The following RALYL variants were observed in gnomAD, a reference collection of about 807,000 sequenced individuals.
RALYL encodes the protein RALY RNA binding protein like, also known as RNA-binding Raly-like protein.
Under a neutral mutation model 35.1 loss-of-function variants are expected in RALYL, and 29 were observed. The observed-to-expected ratio is 0.83, with a 90% CI of 0.61 to 1.13. The LOEUF is 1.13. Among genes scored for constraint, RALYL ranks in the 50% most tolerant of loss-of-function variants. RALYL has a pLI of 0.00. For synonymous variants in RALYL, 120 were observed against 127.6 expected, an observed-to-expected ratio of 0.94 and a Z score of 0.40; for missense variants, 359 against 360.4, an observed-to-expected ratio of 1.00 and a Z score of 0.03.
At chr8:84,909,114 T>C (rs922247762) in intron 8 of RALYL, among the ~76,000 whole-genome samples, 51 of 152,156 alleles carry the variant, frequency 3.4e-4, no homozygotes, top group African/African-American at 1.2e-3. Flanking sequence ...GTCTGTGACA[T>C]GTCTAATGAT....
At chr8:84,848,567 A>G (rs1055307433) in intron 4 of RALYL, among the ~76,000 whole-genome samples, 2 of 152,144 alleles carry the variant, frequency 1.3e-5, no homozygotes, top group African/African-American at 4.8e-5. Context: ...AGCCAAACAC[A>G]AAAGAACAAA....
intron 1 of RALYL, among the ~76,000 whole-genome samples, chr8:84,251,451 G>A (rs562069902): frequency 1.5e-3 from 224 of 151,838 alleles, no homozygotes; most frequent in Non-Finnish European, 2.2e-3. Flanking sequence ...TTTGAATTAC[G>A]GTCATTTTCT....
chr8:84,578,428 G>A (rs912225864), intron 2 of RALYL, among the ~76,000 whole-genome samples: 1 of 152,196 alleles, frequency 6.6e-6, no homozygotes, highest in African/African-American at 2.4e-5. Context: ...CCTGCAATGT[G>A]GCAAGTCAGG....
At chr8:84,357,377 TACAG>T (rs1408537295) in intron 1 of RALYL, among the ~76,000 whole-genome samples, 1 of 152,062 alleles carries the variant, frequency 6.6e-6, no homozygotes, top group African/African-American at 2.4e-5. Context: ...CTATAGCTGT[TACAG>T]ACATTCATTA....
intron 1 of RALYL, among the ~76,000 whole-genome samples, chr8:84,445,822 G>A (rs1461946983): frequency 6.6e-6 from 1 of 151,202 alleles, no homozygotes; most frequent in Non-Finnish European, 1.5e-5. Context: ...ACCTGTCTAT[G>A]TTCTTTAATT....
intron 2 of RALYL, 87 bp downstream of exon 2, chr8:84,529,664 T>G: frequency 8.7e-7 from 1 of 1,151,282 alleles, no homozygotes; most frequent in Non-Finnish European, 1.2e-6. Flanking sequence ...CCACTGTTGT[T>G]TCTACCTCTT....
At chr8:84,627,677 C>G (rs757946355) in intron 2 of RALYL, among the ~76,000 whole-genome samples, 2 of 151,676 alleles carry the variant, frequency 1.3e-5, no homozygotes, top group Admixed American at 1.3e-4. Flanking sequence ...ATTTATTTCT[C>G]TAGCTCAGAC....
Position 84,219,524 on chromosome 8 carries a change from G to T in RALYL, c.-24+35100G>T, listed in dbSNP as rs986070674. 2.6e-5 allele frequency among the ~76,000 whole-genome samples: 4 copies of T among 151,970 alleles called. No homozygotes were observed. In the East Asian group the frequency reaches 7.7e-4, roughly 29 times the overall value. ...TTATACATTTTGTTTTTGTGTGCGTGTGTAATGATCCACTTGCCTTTTTCA... is the reference window on the plus strand; with the variant it reads ...TTATACATTTTGTTTTTGTGTGCGTTTGTAATGATCCACTTGCCTTTTTCA... On this transcript the variant is annotated intron_variant, in intron 1 of 8. Transcript: ENST00000521268.
intron 4 of RALYL, among the ~76,000 whole-genome samples, chr8:84,847,778 A>G (rs1563736713): frequency 6.6e-6 from 1 of 152,196 alleles, no homozygotes; most frequent in Non-Finnish European, 1.5e-5. Flanking sequence ...CTCTAGCCAT[A>G]CAATGCTCAG....
At chr8:84,655,579 T>G (rs1344300777) in intron 2 of RALYL, among the ~76,000 whole-genome samples, 1 of 152,160 alleles carries the variant, frequency 6.6e-6, no homozygotes, top group African/African-American at 2.4e-5. Flanking sequence ...TCCACCAGCC[T>G]TGGCCTCCCA....
chr8:84,613,690 A>C (rs1378203067), intron 2 of RALYL, among the ~76,000 whole-genome samples: 1 of 151,472 alleles, frequency 6.6e-6, no homozygotes, highest in Admixed American at 6.6e-5. Flanking sequence ...CCCATACAAT[A>C]ATGTACAGGG....
At chr8:84,442,828 C>T (rs143457241) in intron 1 of RALYL, among the ~76,000 whole-genome samples, 2,351 of 152,192 alleles carry the variant, frequency 0.015, 29 homozygotes, top group Middle Eastern at 0.065. Context: ...TGCCACTTAC[C>T]GAGTGACAGC....
chr8:84,466,150 AT>A (rs2051589121), intron 1 of RALYL, among the ~76,000 whole-genome samples: 2 of 129,854 alleles, frequency 1.5e-5, no homozygotes, highest in South Asian at 5.5e-4. Context: ...CTCCTGCCTA[AT>A]TGCCCTGGCC....
intron 1 of RALYL, among the ~76,000 whole-genome samples, chr8:84,398,788 A>C (rs923778301): frequency 1.6e-4 from 25 of 152,170 alleles, no homozygotes; most frequent in Non-Finnish European, 5.9e-5. Context: ...AGCTTGACCA[A>C]TATGGTGAAA....
chr8:84,891,948 G>T (rs2135468036), intron 8 of RALYL, among the ~76,000 whole-genome samples: 1 of 152,302 alleles, frequency 6.6e-6, no homozygotes, highest in South Asian at 2.1e-4. Flanking sequence ...TGCCCATTTG[G>T]CTGCTCAAGG....
At chr8:84,596,092 C>T (rs1018651119) in intron 2 of RALYL, among the ~76,000 whole-genome samples, 1 of 152,074 alleles carries the variant, frequency 6.6e-6, no homozygotes, top group Non-Finnish European at 1.5e-5. Context: ...AAATCAACTA[C>T]ATAAATTGTG....
chr8:84,712,588 A>G (rs1430814488), intron 2 of RALYL, among the ~76,000 whole-genome samples: 1 of 152,154 alleles, frequency 6.6e-6, no homozygotes, highest in African/African-American at 2.4e-5. Context: ...ACTTTCAGAA[A>G]ACAACTTGAC....
chr8:84,637,076 A>C (rs1825216762), intron 2 of RALYL, among the ~76,000 whole-genome samples: 1 of 151,928 alleles, frequency 6.6e-6, no homozygotes, highest in Non-Finnish European at 1.5e-5. Context: ...AGTTATGTAG[A>C]TGCTTGGTAA....
chr8:84,228,198 T>C (rs1384760593), intron 1 of RALYL, among the ~76,000 whole-genome samples: 1 of 149,976 alleles, frequency 6.7e-6, no homozygotes, highest in African/African-American at 2.5e-5. Context: ...TAGTTAATGT[T>C]CCAGTCAGAG....
Sources: gnomAD v4.1 joint callset for allele counts (sites outside exome capture counted in the v4.1 genomes callset) on GRCh38, gnomAD v4.1.1 for gene constraint, MANE v1.5 for transcripts, NCBI Gene and HGNC (gene_info 2026-07-23, HGNC 2026-07-21) for gene names.